The following KCNJ8 variants were observed in gnomAD, a reference collection of about 807,000 sequenced individuals.
KCNJ8 encodes potassium inwardly rectifying channel subfamily J member 8, also known as ATP-sensitive inward rectifier potassium channel 8.
In KCNJ8, 13 loss-of-function variants were observed where a neutral mutation model predicts 28.2. The observed-to-expected ratio is 0.46, with a 90% CI of 0.30 to 0.73. The LOEUF is 0.73. Among genes scored for constraint, KCNJ8 ranks in the 30% least tolerant of loss-of-function variants. The pLI, the probability that KCNJ8 is intolerant of heterozygous loss-of-function variation, is 0.07. For synonymous variants in KCNJ8, 188 were observed against 195.9 expected (o/e 0.96, Z 0.34); for missense variants, 284 against 542.6 (o/e 0.52, Z 4.73).
chr12:21,768,441 T>C (rs1291899216), intron 2 of KCNJ8, among the ~76,000 whole-genome samples: 3 of 152,216 alleles, frequency 2.0e-5, no homozygotes, highest in Non-Finnish European at 4.4e-5. Context: ...CATCAGGATT[T>C]CCTATTCCCT....
At chr12:21,768,267 T>C (rs1424122181) in intron 2 of KCNJ8, among the ~76,000 whole-genome samples, 1 of 152,202 alleles carries the variant, frequency 6.6e-6, no homozygotes, top group Non-Finnish European at 1.5e-5. Flanking sequence ...CTATGTGGCC[T>C]GGTTTCTAAC....
At chr12:21,769,115 C>G (rs1220223865) in intron 2 of KCNJ8, among the ~76,000 whole-genome samples, 1 of 152,174 alleles carries the variant, frequency 6.6e-6, no homozygotes, top group Admixed American at 6.5e-5. Context: ...GAAGTCAATG[C>G]TTGGCTTCAA....
chr12:21,771,462 C>G (rs1296794363), intron 2 of KCNJ8, among the ~76,000 whole-genome samples: 1 of 152,030 alleles, frequency 6.6e-6, no homozygotes, highest in Non-Finnish European at 1.5e-5. Flanking sequence ...TAAATGGAGT[C>G]AAAGAGACTC....
chr12:21,770,741 A>G (rs1208622442), intron 2 of KCNJ8, among the ~76,000 whole-genome samples: 1 of 152,214 alleles, frequency 6.6e-6, no homozygotes. Flanking sequence ...TAATTTCACA[A>G]CAAGTACTGC....
chr12:21,768,042 T>TG (rs1459907748), intron 2 of KCNJ8, among the ~76,000 whole-genome samples: 1 of 151,764 alleles, frequency 6.6e-6, no homozygotes, highest in African/African-American at 2.4e-5. Context: ...AAGACAATAC[T>TG]GGGGGGTGTG....
chr12:21,773,754 T>A lies in KCNJ8; in HGVS notation c.-70-68A>T. Reference sequence around the variant, plus strand: ...TATCCTCACCTCTTGGGTCCTTGTATTCAAGGATATGTCTGTACATGTGCG... The same window carrying A: ...TATCCTCACCTCTTGGGTCCTTGTAATCAAGGATATGTCTGTACATGTGCG... On this transcript the variant is annotated intron_variant, in intron 1 of 2. Transcript: ENST00000240662. This position sits in a 1 kb window ranked among gnomAD's most constrained non-coding sequence, Gnocchi z 4.6. 2 of 1,174,052 alleles carry A rather than the reference T, an allele frequency of 1.7e-6. No homozygotes were observed. The highest frequency in any genetic ancestry group is 1.5e-5 in the African/African-American group (1 of 66,272). 72.7% of individuals were successfully genotyped at this position (1,174,052 alleles called of 1,614,324 possible). A position where few individuals can be genotyped will look rare whatever the true frequency, so the allele number is the denominator to read the frequency against.
chr12:21,769,446 T>G (rs1940707600), intron 2 of KCNJ8, among the ~76,000 whole-genome samples: 1 of 152,178 alleles, frequency 6.6e-6, no homozygotes, highest in Admixed American at 6.5e-5. Flanking sequence ...TTGATTGCTG[T>G]TTTTATGCTT....
intron 2 of KCNJ8, among the ~76,000 whole-genome samples, chr12:21,771,412 G>A (rs1291955435): frequency 1.3e-5 from 2 of 152,140 alleles, no homozygotes; most frequent in Non-Finnish European, 2.9e-5. Context: ...GGATAATATC[G>A]AGAAAGAGGA....
Position 21,765,844 on chromosome 12 carries a change from G to T in KCNJ8, c.1154C>A (p.Ser385Tyr). Residue 385 changes from serine to tyrosine, a missense_variant, in exon 3 of 3, where the codon TCC becomes TAC. Transcript: ENST00000240662. The part of the protein sequence containing the change: ...SHQNSLRKRN[S>Y]MRRNNSMRRN... Reference sequence around the variant, plus strand: ...CCTCATGGAATTGTTTCTTCTCATGGAGTTGCGCTTCCTCAGAGAATTTTG... The same window carrying T: ...CCTCATGGAATTGTTTCTTCTCATGTAGTTGCGCTTCCTCAGAGAATTTTG... 6.2e-7 allele frequency: 1 copy of T among 1,614,092 alleles called. No homozygotes were observed. The highest frequency in any genetic ancestry group is 8.5e-7 in the Non-Finnish European group (1 of 1,179,972).
At position 21,773,596 on chromosome 12, in the gene KCNJ8, G is replaced by A. The variant is rs757630956; in HGVS notation, c.21C>T (p.Ile7=). MLARKS[I]IPEEYVLARI... ...GCGCCAGCACATACTCCTCCGGGATGATACTCTTTCTGGCCAACATCGTCC... is the reference window on the plus strand; with the variant it reads ...GCGCCAGCACATACTCCTCCGGGATAATACTCTTTCTGGCCAACATCGTCC... Residue 7 remains isoleucine (I), a synonymous_variant, in exon 2 of 3, where the codon ATC becomes ATT. Coordinates refer to ENST00000240662, the MANE Select transcript of KCNJ8 (RefSeq NM_004982.4). The surrounding 1 kb of genome is among the most constrained non-coding windows in gnomAD (Gnocchi z 4.6). 6.2e-7 allele frequency: 1 copy of A among 1,613,308 alleles called. No individual in the cohort carries two copies. Among genetic ancestry groups the A allele is most frequent in the African/African-American group, 1.3e-5 (1 of 74,940 alleles).
intron 2 of KCNJ8, among the ~76,000 whole-genome samples, chr12:21,768,302 C>T (rs1192680680): frequency 6.6e-6 from 1 of 152,178 alleles, no homozygotes; most frequent in Admixed American, 6.5e-5. Flanking sequence ...TACTGGTCTG[C>T]AGCCCAAGGA....
Position 21,773,204 on chromosome 12 carries a change from A to G in KCNJ8, c.374+39T>C. On this transcript the variant is annotated intron_variant, in intron 2 of 2. Transcript: ENST00000240662. The surrounding 1 kb of genome is among the most constrained non-coding windows in gnomAD (Gnocchi z 4.6). Reference sequence around the variant, plus strand: ...AAGGGCATTTTGACATTTTTTCTCTACTGTTTTCAACCCCTGCCTCATCCC... The same window carrying G: ...AAGGGCATTTTGACATTTTTTCTCTGCTGTTTTCAACCCCTGCCTCATCCC... 6.2e-7 allele frequency: 1 copy of G among 1,605,986 alleles called. No individual in the cohort carries two copies. The highest frequency in any genetic ancestry group is 1.3e-5 in the African/African-American group (1 of 75,016).
intron 2 of KCNJ8, among the ~76,000 whole-genome samples, chr12:21,770,018 C>T (rs985430937): frequency 5.3e-5 from 8 of 152,180 alleles, no homozygotes; most frequent in African/African-American, 1.9e-4. Context: ...AGATTAGCTC[C>T]AGTTTTGAAA....
chr12:21,773,135 A>G lies in KCNJ8; in HGVS notation c.374+108T>C. On this transcript the variant is annotated intron_variant, in intron 2 of 2. Transcript: ENST00000240662. This position sits in a 1 kb window ranked among gnomAD's most constrained non-coding sequence, Gnocchi z 4.6. ...TTTTGTTTCTGAAGATTCTAAAACA[A>G]ACCCTTTATTTCACTTTCAATTAAA... 4 of 1,313,696 alleles carry G rather than the reference A, an allele frequency of 3.0e-6. No homozygotes were observed. The highest frequency in any genetic ancestry group is 4.3e-6 in the Non-Finnish European group (4 of 922,584). The allele number at this position is 1,313,696 out of a possible 1,614,324, so 81.4% of individuals were successfully genotyped here.
rs1940596664 is a variant in KCNJ8 at position 21,765,516 on chromosome 12, G to A, written c.*207C>T. 1.6e-6 allele frequency: 1 copy of A among 609,480 alleles called. No individual in the cohort carries two copies. The highest frequency in any genetic ancestry group is 2.9e-6 in the Non-Finnish European group (1 of 342,504). The allele number at this position is 609,480 out of a possible 1,614,324, so 37.8% of individuals were successfully genotyped here. A position where few individuals can be genotyped will look rare whatever the true frequency, so the allele number is the denominator to read the frequency against. On this transcript the variant is annotated 3_prime_UTR_variant, in exon 3 of 3. Transcript: ENST00000240662. ...AAGTATATCACTGCGAATTCTACAT[G>A]TATGAAACAAGCATAAGCCATGAAT...
At chr12:21,770,240 C>G (rs537135552) in intron 2 of KCNJ8, among the ~76,000 whole-genome samples, 1 of 152,170 alleles carries the variant, frequency 6.6e-6, no homozygotes, top group South Asian at 2.1e-4. Context: ...AAGACCACAT[C>G]TTGCAGAAGG....
At position 21,765,412 on chromosome 12, in the gene KCNJ8, C is replaced by G. The variant is rs867559393; in HGVS notation, c.*311G>C. ...ACTCATTTCTTGACCAAATTTTGTGCTCAAGGCCTGTTACTATTAGTGTAA... is the reference window on the plus strand; with the variant it reads ...ACTCATTTCTTGACCAAATTTTGTGGTCAAGGCCTGTTACTATTAGTGTAA... On this transcript the variant is annotated 3_prime_UTR_variant, in exon 3 of 3. Transcript: ENST00000240662. The G allele has an allele frequency of 6.3e-5, 26 of 409,676 alleles. No homozygotes were observed. The highest frequency in any genetic ancestry group is 1.4e-3 in the Middle Eastern group (2 of 1,386). The allele number at this position is 409,676 out of a possible 1,614,324, so 25.4% of individuals were successfully genotyped here.
Position 21,766,962 on chromosome 12 carries a change from C to T in KCNJ8, c.375-339G>A, listed in dbSNP as rs1940640195. On this transcript the variant is annotated intron_variant, in intron 2 of 2. Coordinates refer to ENST00000240662, the MANE Select transcript of KCNJ8 (RefSeq NM_004982.4). This position sits in a 1 kb window ranked among gnomAD's most constrained non-coding sequence, Gnocchi z 6.5. Reference sequence around the variant, plus strand: ...AGATTAATATATTTTCATATATATGCATATTTTACCTTGCGAAATACTTCA... The same window carrying T: ...AGATTAATATATTTTCATATATATGTATATTTTACCTTGCGAAATACTTCA... Among the ~76,000 whole-genome samples, 1 of 152,048 alleles carries T rather than the reference C, an allele frequency of 6.6e-6. No individual in the cohort carries two copies. The highest frequency in any genetic ancestry group is 6.6e-5 in the Admixed American group (1 of 15,266).
chr12:21,765,996 C>T lies in KCNJ8; in HGVS notation c.1002G>A (p.Val334=). ...CAAATTTGGAGTAATCCACAGAATA[C>T]ACTCCTTCTTCCTCAGTCACAATGG... ...FVSIVTEEEG[V]YSVDYSKFGN... Residue 334 remains valine, a synonymous_variant, in exon 3 of 3, where the codon GTG becomes GTA. Transcript: ENST00000240662. 4 of 1,614,214 alleles carry T rather than the reference C, an allele frequency of 2.5e-6. No homozygotes were observed. Among genetic ancestry groups the T allele is most frequent in the Non-Finnish European group, 3.4e-6 (4 of 1,180,040 alleles).
Sources: gnomAD v4.1 joint callset for allele counts (sites outside exome capture counted in the v4.1 genomes callset) on GRCh38, gnomAD v4.1.1 for gene constraint, Gnocchi (gnomAD v3.1) non-coding constraint, MANE v1.5 for transcripts, NCBI Gene and HGNC (gene_info 2026-07-23, HGNC 2026-07-21) for gene names.